The following DIAPH2 variants were observed in gnomAD, a reference collection of about 807,000 sequenced individuals.
The protein encoded by DIAPH2 is diaphanous related formin 2, also known as protein diaphanous homolog 2.
DIAPH2 carries 35 observed loss-of-function variants against 92.7 expected under a neutral mutation model. The ratio of observed to expected loss-of-function variants is 0.38; its 90% confidence interval spans 0.29 to 0.50. The LOEUF is 0.50. DIAPH2 is among the 20% of genes least tolerant of loss of function. DIAPH2 has a pLI of 0.94. For missense variants in DIAPH2, 701 were observed against 819.5 expected (o/e 0.86, Z 1.77); for synonymous variants, 301 against 280.4 (o/e 1.07, Z -0.73).
chrX:96,777,302 G>A (rs2064383330), intron 4 of DIAPH2, among the ~76,000 whole-genome samples: 1 of 111,063 alleles, frequency 9.0e-6, no homozygotes, highest in Non-Finnish European at 1.9e-5. Context: ...TCCCTTTATC[G>A]GATTAAAATT....
chrX:97,245,988 C>T (rs1224746482), intron 22 of DIAPH2, among the ~76,000 whole-genome samples: 1 of 107,743 alleles, frequency 9.3e-6, no homozygotes, highest in African/African-American at 3.4e-5. Flanking sequence ...CTGCAACCTC[C>T]ACCTCCTGGG....
chrX:97,059,969 A>G (rs908699457), intron 17 of DIAPH2, among the ~76,000 whole-genome samples: 2 of 112,399 alleles, frequency 1.8e-5, no homozygotes, highest in African/African-American at 6.5e-5. Context: ...TTTTTAACTG[A>G]TATTTTAGTA....
chrX:97,601,403 T>C lies in DIAPH2; in HGVS notation c.*2086T>C, dbSNP rs867542101. 1.8e-5 allele frequency: 2 copies of C among 108,635 alleles called. No homozygotes were observed. Among genetic ancestry groups the C allele is most frequent in the African/African-American group, 6.6e-5 (2 of 30,301 alleles). The allele number at this position is 108,635 out of a possible 1,213,427, so 9.0% of individuals were successfully genotyped here. On this transcript the variant is annotated 3_prime_UTR_variant, in exon 27 of 27. Transcript: ENST00000324765. ...ATGAAGTACTATTATTGATAACTTA[T>C]ATATTTTTATTTAGAGCAATCCCAC...
chrX:97,183,754 G>A (rs984737822), intron 22 of DIAPH2, among the ~76,000 whole-genome samples: 3 of 112,040 alleles, frequency 2.7e-5, no homozygotes, highest in Non-Finnish European at 5.6e-5. Flanking sequence ...AATGCAAATA[G>A]TGCTATTTTG....
intron 1 of DIAPH2, among the ~76,000 whole-genome samples, chrX:96,691,838 CA>C (rs1470456859): frequency 9.0e-6 from 1 of 111,661 alleles, no homozygotes; most frequent in Non-Finnish European, 1.9e-5. Context: ...GGTAGGAATC[CA>C]ACACTTTATT....
chrX:97,306,647 A>G (rs2068749689), intron 23 of DIAPH2, among the ~76,000 whole-genome samples: 1 of 111,205 alleles, frequency 9.0e-6, no homozygotes, highest in African/African-American at 3.3e-5. Context: ...CTTCTTCTCC[A>G]CATGCCAATA....
At chrX:96,720,049 G>A (rs1364659712) in intron 1 of DIAPH2, among the ~76,000 whole-genome samples, 4 of 111,294 alleles carry the variant, frequency 3.6e-5, no homozygotes, top group African/African-American at 1.3e-4. Context: ...TTGGATTCGG[G>A]TCAAAATTGC....
intron 23 of DIAPH2, among the ~76,000 whole-genome samples, chrX:97,272,404 C>T (rs1162989040): frequency 9.0e-6 from 1 of 111,429 alleles, no homozygotes; most frequent in Admixed American, 9.6e-5. Flanking sequence ...ACATAATTAG[C>T]CATGATAGAA....
At chrX:96,812,513 T>C (rs6620172) in intron 4 of DIAPH2, among the ~76,000 whole-genome samples, 11,366 of 111,322 alleles carry the variant, frequency 0.1, 537 homozygotes, top group East Asian at 0.32. Flanking sequence ...TTTGTGTCTT[T>C]ATCTCCTTCA....
At chrX:96,762,987 A>G (rs1160986887) in intron 4 of DIAPH2, 3 of 439,575 alleles carry the variant, frequency 6.8e-6, no homozygotes, top group South Asian at 7.6e-5. Flanking sequence ...AGGGTTAGCT[A>G]TTTACTAATT....
intron 24 of DIAPH2, among the ~76,000 whole-genome samples, chrX:97,373,735 C>T (rs1212743605): frequency 9.4e-6 from 1 of 106,453 alleles, no homozygotes; most frequent in Non-Finnish European, 1.9e-5. Flanking sequence ...GCCTCCCGAA[C>T]AGCTGGGATT....
At chrX:97,161,153 C>T (rs2067369413) in intron 22 of DIAPH2, among the ~76,000 whole-genome samples, 1 of 106,540 alleles carries the variant, frequency 9.4e-6, no homozygotes, top group Admixed American at 1.0e-4. Flanking sequence ...TTCCATGATC[C>T]GAAAGACCTG....
chrX:97,185,411 GTATATATATATGTATATATATA>G (rs2067583034), intron 22 of DIAPH2, among the ~76,000 whole-genome samples: 1 of 26,648 alleles, frequency 3.8e-5, no homozygotes, highest in Non-Finnish European at 6.0e-5. Context: ...ATATATATAT[GTATATATATATGTATATATATA>G]TGTGTATATA....
At chrX:97,351,554 G>A (rs1337555483) in intron 24 of DIAPH2, among the ~76,000 whole-genome samples, 3 of 111,801 alleles carry the variant, frequency 2.7e-5, no homozygotes, top group South Asian at 3.7e-4. Flanking sequence ...GGTGGCTCAC[G>A]CCTGTAATCC....
At chrX:96,897,693 T>TA (rs1210120907) in intron 5 of DIAPH2, among the ~76,000 whole-genome samples, 4 of 110,574 alleles carry the variant, frequency 3.6e-5, no homozygotes, top group Admixed American at 2.9e-4. Flanking sequence ...GTTAAACAAT[T>TA]AAAAAAAATT....
chrX:97,035,574 T>C (rs1168643870), intron 17 of DIAPH2, among the ~76,000 whole-genome samples: 1 of 111,965 alleles, frequency 8.9e-6, no homozygotes, highest in African/African-American at 3.2e-5. Context: ...GTCAGTTTGA[T>C]ATTTTAAATA....
intron 5 of DIAPH2, among the ~76,000 whole-genome samples, chrX:96,909,089 A>T (rs1275207550): frequency 8.9e-6 from 1 of 111,928 alleles, no homozygotes; most frequent in East Asian, 2.8e-4. Context: ...CAGGAGAATT[A>T]GTTAAAACAT....
intron 17 of DIAPH2, among the ~76,000 whole-genome samples, chrX:96,997,105 G>A (rs1268692254): frequency 9.0e-6 from 1 of 111,129 alleles, no homozygotes; most frequent in Non-Finnish European, 1.9e-5. Flanking sequence ...TGTTTTAAAG[G>A]CCTAATAAGA....
intron 4 of DIAPH2, among the ~76,000 whole-genome samples, chrX:96,795,042 AT>A (rs1339764322): frequency 5.4e-5 from 6 of 112,079 alleles, no homozygotes; most frequent in African/African-American, 1.9e-4. Context: ...GATTGATCTC[AT>A]TTTGAGATCC....
Sources: allele counts gnomAD v4.1 joint callset (sites outside exome capture counted in the v4.1 genomes callset), GRCh38; gene constraint gnomAD v4.1.1; transcripts MANE v1.5; gene names NCBI Gene and HGNC (gene_info 2026-07-23, HGNC 2026-07-21).